Variants in MYH9 observed in about 807,000 individuals in gnomAD.
The protein encoded by MYH9 is myosin-9.
Under a neutral mutation model 241.9 loss-of-function variants are expected in MYH9, and 29 were observed. The ratio of observed to expected loss-of-function variants is 0.12; its 90% CI spans 0.09 to 0.16. MYH9 has a LOEUF of 0.16. MYH9 is among the 10% of genes least tolerant of loss of function. The pLI, the probability that MYH9 is intolerant of heterozygous loss-of-function variation, is 1.00. For synonymous variants in MYH9, 1,047 were observed against 1,062.6 expected (o/e 0.99, Z 0.29); for missense variants, 1,803 against 2,595.5 (o/e 0.69, Z 6.63).
At chr22:36,323,314 C>T (rs901281147) in intron 5 of MYH9, among the ~76,000 whole-genome samples, 10 of 152,236 alleles carry the variant, frequency 6.6e-5, no homozygotes, top group South Asian at 2.1e-4. Flanking sequence ...AGCGGGGTGG[C>T]GGAATTCCAG....
chr22:36,325,631 T>G lies in MYH9; in HGVS notation c.612+937A>C, dbSNP rs189232720. 3.2e-3 allele frequency among the ~76,000 whole-genome samples: 482 copies of G among 152,374 alleles called. 2 individuals carry two copies. Among genetic ancestry groups the G allele is most frequent in the African/African-American group, 0.01 (419 of 41,596 alleles). On this transcript the variant is annotated intron_variant, in intron 5 of 40. Coordinates refer to ENST00000216181, the MANE Select transcript of MYH9 (RefSeq NM_002473.6). ...TGGCAGGTGAGGGCAGCCGGCCATC[T>G]GCATCTGGTCTGGACCACAGAGCGT...
intron 1 of MYH9, among the ~76,000 whole-genome samples, chr22:36,379,065 G>A (rs906520673): frequency 3.9e-4 from 60 of 152,232 alleles, no homozygotes; most frequent in African/African-American, 1.3e-3. Context: ...GGTTTTCATT[G>A]TTGTTGCTGA....
rs1423369216 is a variant in MYH9 at position 36,306,098 on chromosome 22, C to A, written c.2038-47G>T. ...TGCGGTCTCACTTCCGTGCCTAGAA[C>A]AGTCGGAGAATAGTCAGGGAACCCC... On this transcript the variant is annotated intron_variant, in intron 16 of 40. Transcript: ENST00000216181. The surrounding 1 kb of genome is among the most constrained non-coding windows in gnomAD (Gnocchi z 4.1). The A allele has an allele frequency of 1.2e-6, 2 of 1,609,730 alleles. No individual in the cohort carries two copies. The highest frequency in any genetic ancestry group is 3.3e-5 in the Admixed American group (2 of 59,998).
intron 1 of MYH9, among the ~76,000 whole-genome samples, chr22:36,362,809 C>T (rs939938986): frequency 6.6e-6 from 1 of 152,134 alleles, no homozygotes; most frequent in Non-Finnish European, 1.5e-5. Context: ...ATCAAACAAC[C>T]AATGAGCCAG....
rs547770783 is a variant in MYH9, at chr22:36,285,759, G to A, written c.5173C>T (p.Arg1725Trp). The A allele has an allele frequency of 1.7e-5, 28 of 1,610,150 alleles. 1 individual carries two copies. Among genetic ancestry groups the A allele is most frequent in the South Asian group, 7.7e-5 (7 of 90,572 alleles). ...TGGGCGATGCGGGCCTCCAGACGCC[G>A]CTTCTCCTCTAACGCCAGGGCTCTG... ...GKGALALEEKRRLEARIAQLE... is the reference protein window; with the variant it reads ...GKGALALEEKWRLEARIAQLE... Residue 1725 changes from arginine to tryptophan, a missense_variant, in exon 37 of 41, where the codon CGG becomes TGG. Physicochemically the swap from Arg to Trp is moderately radical, Grantham distance 101. Transcript: ENST00000216181. The surrounding 1 kb of genome is among the most constrained non-coding windows in gnomAD (Gnocchi z 7.0).
At chr22:36,365,867 T>G (rs2018002681) in intron 1 of MYH9, among the ~76,000 whole-genome samples, 1 of 152,224 alleles carries the variant, frequency 6.6e-6, no homozygotes, top group South Asian at 2.1e-4. Flanking sequence ...TCTTTTCCAT[T>G]CAAGTCTATT....
intron 2 of MYH9, among the ~76,000 whole-genome samples, chr22:36,345,698 C>T (rs1307769444): frequency 6.6e-6 from 1 of 152,194 alleles, no homozygotes; most frequent in Non-Finnish European, 1.5e-5. Context: ...TTAATTTGGT[C>T]CACATGATAA....
At chr22:36,284,599 G>A in intron 38 of MYH9, 88 bp from the exon 39 acceptor site, 1 of 1,265,438 alleles carries the variant, frequency 7.9e-7, no homozygotes, top group Non-Finnish European at 1.1e-6. Context: ...CCATTCCCCG[G>A]GGCTCACTGG....
At position 36,285,325 on chromosome 22, in the gene MYH9, T is replaced by C; in HGVS notation, c.5279A>G (p.Asp1760Gly). ...CAGGTTCAGGTCGGTGTTGATCTGG[T>C]CGATCTGCAGAAGAAGGGCCAGTGA... is the stretch of plus-strand genomic sequence containing the variant. ...DRLKKANLQIDQINTDLNLER... is the reference protein window; with the variant it reads ...DRLKKANLQIGQINTDLNLER... The change falls in exon 38 of 41, where the codon GAC becomes GGC. Residue 1760 changes from aspartate (D) to glycine (G), a missense_variant. Around this residue, in one of 11 missense-constraint regions of MYH9, gnomAD observed 876 missense variants for 1,077.8 expected, o/e 0.81. Transcript: ENST00000216181. The surrounding 1 kb of genome is among the most constrained non-coding windows in gnomAD (Gnocchi z 7.0). 1 of 1,608,526 alleles carries C rather than the reference T, an allele frequency of 6.2e-7. No homozygotes were observed. Among genetic ancestry groups the C allele is most frequent in the Non-Finnish European group, 8.5e-7 (1 of 1,179,844 alleles).
intron 1 of MYH9, among the ~76,000 whole-genome samples, chr22:36,354,475 C>T (rs1201830189): frequency 3.3e-5 from 5 of 149,764 alleles, no homozygotes; most frequent in South Asian, 2.2e-4. Flanking sequence ...GATGGAGTCC[C>T]GCTCTATCAC....
intron 1 of MYH9, among the ~76,000 whole-genome samples, chr22:36,382,133 C>T (rs547097894): frequency 9.1e-4 from 138 of 152,042 alleles, no homozygotes; most frequent in African/African-American, 3.2e-3. Flanking sequence ...CAGCCCCAAA[C>T]GACCTTCTAA....
Position 36,288,591 on chromosome 22 carries a change from G to T in MYH9, c.4770+136C>A. 7.6e-7 allele frequency: 1 copy of T among 1,320,714 alleles called. No homozygotes were observed. Among genetic ancestry groups the T allele is most frequent in the Admixed American group, 1.7e-5 (1 of 58,748 alleles). 81.8% of individuals were successfully genotyped at this position (1,320,714 alleles called of 1,614,324 possible). Reference sequence around the variant, plus strand: ...GAGTCACTGAACCCCGAGACAGGAGGCTAGAAAGAAGGAATATGGGAGGGG... The same window carrying T: ...GAGTCACTGAACCCCGAGACAGGAGTCTAGAAAGAAGGAATATGGGAGGGG... On this transcript the variant is annotated intron_variant, in intron 33 of 40. Transcript: ENST00000216181. This position sits in a 1 kb window ranked among gnomAD's most constrained non-coding sequence, Gnocchi z 4.8.
intron 31 of MYH9, among the ~76,000 whole-genome samples, chr22:36,290,465 C>A (rs1398896978): frequency 6.6e-6 from 1 of 152,136 alleles, no homozygotes; most frequent in African/African-American, 2.4e-5. Flanking sequence ...GGAGCCCAGG[C>A]TGGAGTGCAG....
intron 24 of MYH9, among the ~76,000 whole-genome samples, chr22:36,298,466 C>T (rs967260476): frequency 1.3e-5 from 2 of 152,218 alleles, no homozygotes; most frequent in Non-Finnish European, 2.9e-5. Context: ...TAATGAAATT[C>T]TCACAGACAC....
intron 1 of MYH9, among the ~76,000 whole-genome samples, chr22:36,351,067 G>A (rs1190181251): frequency 1.3e-5 from 2 of 152,248 alleles, no homozygotes; most frequent in East Asian, 3.8e-4. Context: ...GGGAGGGAAA[G>A]AACAAAGGGA....
rs1223879395 is a variant in MYH9, at chr22:36,282,776, G to A, written c.5775C>T (p.Asp1925=). 2 of 1,610,744 alleles carry A rather than the reference G, an allele frequency of 1.2e-6. No homozygotes were observed. Among genetic ancestry groups the A allele is most frequent in the Non-Finnish European group, 1.7e-6 (2 of 1,179,752 alleles). ...TTCGGCGGGGCACGACAAACGGCAG[G>A]TCCCCGCGCCTGGGGGCAGAGGTAG... ...SSLKNKLRRG[D]LPFVVPRRMA... is the part of the protein sequence containing the mutation. The change falls in exon 41 of 41, where the codon GAC becomes GAT. Residue 1925 remains aspartate (D), a synonymous_variant. Coordinates refer to ENST00000216181, the MANE Select transcript of MYH9 (RefSeq NM_002473.6).
chr22:36,370,226 A>G (rs193299898), intron 1 of MYH9, among the ~76,000 whole-genome samples: 1 of 152,342 alleles, frequency 6.6e-6, no homozygotes, highest in African/African-American at 2.4e-5. Context: ...ATTAGGGCAG[A>G]TGGTCTGAGT....
chr22:36,302,483 AC>A (rs1182267549), intron 20 of MYH9, 84 bp downstream of exon 20: 5 of 1,233,420 alleles, frequency 4.1e-6, no homozygotes, highest in Non-Finnish European at 1.2e-6. Flanking sequence ...CCACACCTCT[AC>A]AAAAAATACA....
intron 38 of MYH9, 103 bp from the exon 39 acceptor site, chr22:36,284,614 T>G: frequency 8.9e-7 from 1 of 1,126,026 alleles, no homozygotes; most frequent in Non-Finnish European, 1.3e-6. Context: ...CACTGGCATC[T>G]AGGGATCACG....
Sources: gnomAD v4.1 joint callset for allele counts (sites outside exome capture counted in the v4.1 genomes callset) on GRCh38, gnomAD v4.1.1 for gene constraint, gnomAD v4.1.1 regional missense constraint, Gnocchi (gnomAD v3.1) non-coding constraint, MANE v1.5 for transcripts, NCBI Gene and HGNC (gene_info 2026-07-23, HGNC 2026-07-21) for gene names.